The following NR3C2 variants were observed in gnomAD, a reference collection of about 807,000 sequenced individuals.
NR3C2 encodes nuclear receptor subfamily 3 group C member 2.
Under a neutral mutation model 86.4 loss-of-function variants are expected in NR3C2, and 15 were observed. The observed-to-expected ratio is 0.17, with a 90% CI of 0.12 to 0.27. The LOEUF (loss-of-function observed/expected upper bound fraction) is 0.27. NR3C2 is among the 10% of genes least tolerant of loss of function. The probability of loss-of-function intolerance (pLI) is 1.00; values close to 1 mark genes in which losing one functional copy is unlikely to be tolerated. For missense variants in NR3C2, 960 were observed against 1,195.6 expected (o/e 0.80, Z 2.91); for synonymous variants, 458 against 450.5 (o/e 1.02, Z -0.21).
chr4:148,361,216 T>C (rs1188062783), intron 2 of NR3C2, among the ~76,000 whole-genome samples: 1 of 152,164 alleles, frequency 6.6e-6, no homozygotes, highest in South Asian at 2.1e-4. Flanking sequence ...TAAATAAAAA[T>C]AGAGAATCTC....
chr4:148,410,496 C>T (rs17582031), intron 2 of NR3C2, among the ~76,000 whole-genome samples: 23,120 of 152,096 alleles, frequency 0.15, 2,233 homozygotes, highest in African/African-American at 0.27. Context: ...GGGCTTCAAA[C>T]TTATGGAGAC....
At chr4:148,250,392 G>C (rs561184844) in intron 3 of NR3C2, among the ~76,000 whole-genome samples, 1 of 152,250 alleles carries the variant, frequency 6.6e-6, no homozygotes, top group East Asian at 1.9e-4. Context: ...TAAGCTGCTA[G>C]AATCATAATT....
At chr4:148,155,859 C>CTA (rs1015053792) in intron 4 of NR3C2, among the ~76,000 whole-genome samples, 1 of 152,104 alleles carries the variant, frequency 6.6e-6, no homozygotes, top group Non-Finnish European at 1.5e-5. Context: ...TGACTTCGAA[C>CTA]TATACTACAA....
intron 3 of NR3C2, among the ~76,000 whole-genome samples, chr4:148,243,917 T>A (rs1475652702): frequency 6.6e-6 from 1 of 152,220 alleles, no homozygotes; most frequent in African/African-American, 2.4e-5. Flanking sequence ...AAAAGCTTCC[T>A]GTGGTTAGGT....
intron 2 of NR3C2, among the ~76,000 whole-genome samples, chr4:148,278,108 GTT>G (rs993446157): frequency 3.3e-5 from 5 of 151,404 alleles, no homozygotes; most frequent in African/African-American, 1.2e-4. Flanking sequence ...TTGTTTGTTT[GTT>G]TGTTTGTTTG....
chr4:148,209,078 T>C (rs533442499), intron 3 of NR3C2, among the ~76,000 whole-genome samples: 1 of 151,938 alleles, frequency 6.6e-6, no homozygotes, highest in Non-Finnish European at 1.5e-5. Context: ...ACCCAACCTC[T>C]ACTAAAACTA....
intron 3 of NR3C2, among the ~76,000 whole-genome samples, chr4:148,258,337 A>G (rs894194710): frequency 6.6e-6 from 1 of 152,238 alleles, no homozygotes; most frequent in Non-Finnish European, 1.5e-5. Flanking sequence ...TCATCTAATT[A>G]AGGAAAGAGA....
chr4:148,334,635 C>G (rs1744393243), intron 2 of NR3C2, among the ~76,000 whole-genome samples: 1 of 152,068 alleles, frequency 6.6e-6, no homozygotes, highest in African/African-American at 2.4e-5. Flanking sequence ...TTCTAGATGG[C>G]AAAGAAAAGG....
chr4:148,332,553 T>C (rs529503655), intron 2 of NR3C2, among the ~76,000 whole-genome samples: 3 of 152,240 alleles, frequency 2.0e-5, no homozygotes, highest in Non-Finnish European at 4.4e-5. Flanking sequence ...TTTGCTTTTT[T>C]ATTTGTGTCA....
chr4:148,241,305 C>CAAAAAAA (rs1374779029), intron 3 of NR3C2, among the ~76,000 whole-genome samples: 1 of 18,854 alleles, frequency 5.3e-5, no homozygotes, highest in African/African-American at 2.5e-4. Context: ...AACTCTGTCT[C>CAAAAAAA]AAAAAAAAAA....
At chr4:148,262,646 G>C (rs1043484328) in intron 2 of NR3C2, among the ~76,000 whole-genome samples, 2 of 152,036 alleles carry the variant, frequency 1.3e-5, no homozygotes, top group Non-Finnish European at 2.9e-5. Flanking sequence ...TTGGGATTAG[G>C]GTTGTGCAGA....
intron 3 of NR3C2, among the ~76,000 whole-genome samples, chr4:148,219,977 C>T (rs1737749955): frequency 6.6e-6 from 1 of 152,166 alleles, no homozygotes; most frequent in South Asian, 2.1e-4. Context: ...AACTGGAGTG[C>T]AGTGCTGCAA....
chr4:148,337,394 T>C (rs570925626), intron 2 of NR3C2, among the ~76,000 whole-genome samples: 70 of 152,370 alleles, frequency 4.6e-4, no homozygotes, highest in African/African-American at 1.7e-3. Flanking sequence ...TTGGTTCACA[T>C]GGCATTCTGA....
At chr4:148,347,841 A>AT (rs11418057) in intron 2 of NR3C2, among the ~76,000 whole-genome samples, 2,767 of 152,192 alleles carry the variant, frequency 0.018, 79 homozygotes, top group African/African-American at 0.063. Context: ...GCGGTGGTTT[A>AT]TATGGCTTAC....
At chr4:148,216,995 GAACTGA>G (rs1305301208) in intron 3 of NR3C2, among the ~76,000 whole-genome samples, 1 of 152,190 alleles carries the variant, frequency 6.6e-6, no homozygotes, top group African/African-American at 2.4e-5. Context: ...AGCCAAACGT[GAACTGA>G]AACTGAAAGT....
chr4:148,347,802 C>T (rs956002083), intron 2 of NR3C2, among the ~76,000 whole-genome samples: 4 of 151,988 alleles, frequency 2.6e-5, no homozygotes, highest in African/African-American at 9.7e-5. Context: ...TAATAATAAC[C>T]AGCCAACCAC....
intron 2 of NR3C2, among the ~76,000 whole-genome samples, chr4:148,331,871 ATTC>A (rs1744249209): frequency 1.3e-5 from 2 of 152,176 alleles, no homozygotes; most frequent in African/African-American, 4.8e-5. Flanking sequence ...GTGCTCATTC[ATTC>A]TTCTTCACAG....
chr4:148,183,204 C>T (rs1310226588), intron 4 of NR3C2, among the ~76,000 whole-genome samples: 2 of 152,148 alleles, frequency 1.3e-5, no homozygotes, highest in East Asian at 3.9e-4. Flanking sequence ...GTCACATTTT[C>T]TTAATCCAGT....
chr4:148,301,819 G>A (rs551181098), intron 2 of NR3C2, among the ~76,000 whole-genome samples: 68 of 152,192 alleles, frequency 4.5e-4, no homozygotes, highest in Non-Finnish European at 8.8e-4. Flanking sequence ...GGAGGACCCC[G>A]GAGCACCATG....
Sources: gnomAD v4.1 joint callset for allele counts (sites outside exome capture counted in the v4.1 genomes callset) on GRCh38, gnomAD v4.1.1 for gene constraint, MANE v1.5 for transcripts, NCBI Gene and HGNC (gene_info 2026-07-23, HGNC 2026-07-21) for gene names.